The following HLTF variants were observed in gnomAD, a reference collection of about 807,000 sequenced individuals.
HLTF encodes helicase like transcription factor.
In HLTF, 127 loss-of-function variants were observed where a neutral mutation model predicts 129.4. The observed-to-expected ratio is 0.98, with a 90% confidence interval of 0.85 to 1.14. HLTF has a LOEUF of 1.14. Ranked by LOEUF, HLTF falls within the 50% of genes most tolerant of loss-of-function variation. The pLI is 0.00. For synonymous variants in HLTF, 332 were observed against 388.8 expected (o/e 0.85, Z 1.72); for missense variants, 1,139 against 1,187.1 (o/e 0.96, Z 0.60).
chr3:149,076,080 T>G (rs1327434456), intron 2 of HLTF, 33 bp from the exon 3 acceptor site: 11 of 820,468 alleles, frequency 1.3e-5, no homozygotes, highest in Admixed American at 3.0e-5. Context: ...AATATTACAT[T>G]ATAAATAATA....
chr3:149,054,365 TA>T (rs1305295383), intron 14 of HLTF, among the ~76,000 whole-genome samples: 2 of 151,960 alleles, frequency 1.3e-5, no homozygotes, highest in Admixed American at 6.6e-5. Context: ...GGGAAGAGAC[TA>T]AATAAACAAG....
At chr3:149,036,816 C>G (rs1715674520) in intron 23 of HLTF, among the ~76,000 whole-genome samples, 1 of 151,948 alleles carries the variant, frequency 6.6e-6, no homozygotes, top group South Asian at 2.1e-4. Flanking sequence ...TTTATTGAAT[C>G]ATTATGTTTC....
rs565341467 is a variant in HLTF at position 149,030,550 on chromosome 3, T to C, written c.*1670A>G. The C allele has an allele frequency of 6.6e-6, 1 of 152,200 alleles. No individual in the cohort carries two copies. Among genetic ancestry groups the C allele is most frequent in the African/African-American group, 2.4e-5 (1 of 41,454 alleles). The allele number at this position is 152,200 out of a possible 1,614,324, so 9.4% of individuals were successfully genotyped here. A position where few individuals can be genotyped will look rare whatever the true frequency, so the allele number is the denominator to read the frequency against. On this transcript the variant is annotated 3_prime_UTR_variant, in exon 25 of 25. Coordinates refer to ENST00000310053, the MANE Select transcript of HLTF (RefSeq NM_003071.4). ...CAGAAAGAGTAGACTGTGTTGTTTT[T>C]TGCCAAAAACTGTTTATACTTAATC...
At chr3:149,078,371 C>A (rs1576626051) in intron 2 of HLTF, among the ~76,000 whole-genome samples, 1 of 152,066 alleles carries the variant, frequency 6.6e-6, no homozygotes, top group South Asian at 2.1e-4. Context: ...CATAGCAAGA[C>A]CCCATTTCTA....
intron 2 of HLTF, chr3:149,083,861 G>A (rs920137459): frequency 1.3e-5 from 2 of 151,482 alleles, no homozygotes; most frequent in Admixed American, 6.6e-5. Flanking sequence ...AGAGATTGCA[G>A]TGAGGCCAGA....
At chr3:149,040,235 T>C in intron 20 of HLTF, 79 bp from the exon 21 acceptor site, 2 of 1,223,728 alleles carry the variant, frequency 1.6e-6, no homozygotes, top group South Asian at 2.7e-5. Flanking sequence ...TTTAAATGTA[T>C]GCTAAAATCT....
intron 2 of HLTF, among the ~76,000 whole-genome samples, chr3:149,082,018 C>A (rs550589525): frequency 2.0e-5 from 3 of 152,102 alleles, no homozygotes; most frequent in Non-Finnish European, 4.4e-5. Context: ...AAAATGGATG[C>A]TTTTCTTCAA....
intron 7 of HLTF, among the ~76,000 whole-genome samples, chr3:149,070,742 G>A (rs945347106): frequency 2.6e-5 from 4 of 152,124 alleles, no homozygotes; most frequent in African/African-American, 9.7e-5. Context: ...ATTTCAAAGA[G>A]CAAAGAAAAT....
intron 5 of HLTF, 31 bp from the exon 6 acceptor site, chr3:149,071,688 A>G (rs778094820): frequency 8.0e-7 from 1 of 1,248,438 alleles, no homozygotes; most frequent in African/African-American, 1.5e-5. Flanking sequence ...AAACAATGTA[A>G]AACAAACTAA....
intron 14 of HLTF, among the ~76,000 whole-genome samples, chr3:149,054,198 T>C (rs536624314): frequency 1.4e-4 from 21 of 152,210 alleles, no homozygotes; most frequent in African/African-American, 2.9e-4. Context: ...CAGATTACAA[T>C]GAATTAAGGA....
chr3:149,048,191 T>C (rs200026463), intron 16 of HLTF, 28 bp from the exon 17 acceptor site: 19 of 1,576,136 alleles, frequency 1.2e-5, no homozygotes, highest in Admixed American at 1.9e-5. Flanking sequence ...CTGTTATAAC[T>C]CTTTAACCAG....
rs1465706859 is a variant in HLTF at position 149,071,291 on chromosome 3, T to A, written c.855A>T (p.Glu285Asp). The A allele has an allele frequency of 1.4e-5, 22 of 1,603,014 alleles. No individual in the cohort carries two copies. Among genetic ancestry groups the A allele is most frequent in the Non-Finnish European group, 1.9e-5 (22 of 1,175,290 alleles). ...CAGCTAAAATTCCTCCATGGACATT[T>A]TCTGGTCGGTCCTTCTCAGAAAAAT... Reference protein sequence around the residue: ...ITNFSEKDRPENVHGGILADD... With the variant: ...ITNFSEKDRPDNVHGGILADD... Residue 285 changes from glutamate (E) to aspartate (D), a missense_variant, in exon 7 of 25, where the codon GAA becomes GAT. By Grantham distance (45) the Glu-to-Asp change is conservative (BLOSUM62 2). Coordinates refer to ENST00000310053, the MANE Select transcript of HLTF (RefSeq NM_003071.4).
Position 149,042,253 on chromosome 3 carries a change from C to G in HLTF, c.2110G>C (p.Asp704His). 1 of 1,612,780 alleles carries G rather than the reference C, an allele frequency of 6.2e-7. No individual in the cohort carries two copies. The highest frequency in any genetic ancestry group is 8.5e-7 in the Non-Finnish European group (1 of 1,178,896). Residue 704 changes from aspartate to histidine, a missense_variant, in exon 19 of 25, where the codon GAT becomes CAT. Transcript: ENST00000310053. ...NEGTVLAHYA[D>H]VLGLLLRLRQ... is the part of the protein sequence containing the mutation. ...AGTCTAAGCAAAAGACCCAGGACATCTGCATAATGTGCCAGGACAGTCCCT... is the reference window on the plus strand; with the variant it reads ...AGTCTAAGCAAAAGACCCAGGACATGTGCATAATGTGCCAGGACAGTCCCT...
chr3:149,034,851 T>C, intron 24 of HLTF, 67 bp downstream of exon 24: 1 of 972,062 alleles, frequency 1.0e-6, no homozygotes, highest in Non-Finnish European at 1.7e-6. Flanking sequence ...AATATATTCA[T>C]GCATTACTTG....
chr3:149,058,258 G>C (rs1208415064), intron 13 of HLTF, among the ~76,000 whole-genome samples: 1 of 151,982 alleles, frequency 6.6e-6, no homozygotes, highest in Non-Finnish European at 1.5e-5. Flanking sequence ...TTTTTTTGTA[G>C]AAACAGGATT....
Position 149,060,818 on chromosome 3 carries a change from C to T in HLTF, c.1201G>A (p.Glu401Lys), listed in dbSNP as rs1032816070. ...AVQYIESSDS[E>K]EIETSELPQK... ...GGCAATTCACTTGTTTCAATTTCCT[C>T]TGAATCACTGCTTTCTATGTACTGG... The change falls in exon 11 of 25, where the codon GAG (glutamate) becomes AAG (lysine). Residue 401 changes from glutamate (E) to lysine (K), a missense_variant. Physicochemically the swap from Glu to Lys is moderately conservative, Grantham distance 56. Transcript: ENST00000310053. 6.2e-7 allele frequency: 1 copy of T among 1,613,692 alleles called. No individual in the cohort carries two copies. Among genetic ancestry groups the T allele is most frequent in the African/African-American group, 1.3e-5 (1 of 75,038 alleles).
At chr3:149,056,199 A>G (rs1237181047) in intron 13 of HLTF, among the ~76,000 whole-genome samples, 1 of 152,226 alleles carries the variant, frequency 6.6e-6, no homozygotes, top group Admixed American at 6.5e-5. Context: ...CAGCCCTGTC[A>G]AAGTGTGTGA....
At chr3:149,083,388 A>G (rs1444632265) in intron 2 of HLTF, among the ~76,000 whole-genome samples, 2 of 152,238 alleles carry the variant, frequency 1.3e-5, no homozygotes, top group African/African-American at 4.8e-5. Context: ...ATTACTTTTT[A>G]TCAACACACA....
chr3:149,067,208 A>G (rs920839342), intron 8 of HLTF, among the ~76,000 whole-genome samples: 13 of 151,392 alleles, frequency 8.6e-5, no homozygotes, highest in African/African-American at 3.2e-4. Flanking sequence ...ACACACACAC[A>G]CAAATTTTCA....
Sources: gnomAD v4.1 joint callset for allele counts (sites outside exome capture counted in the v4.1 genomes callset) on GRCh38, gnomAD v4.1.1 for gene constraint, MANE v1.5 for transcripts, NCBI Gene and HGNC (gene_info 2026-07-23, HGNC 2026-07-21) for gene names.